Variants in DOCK1 observed in about 807,000 individuals in gnomAD.
DOCK1 encodes dedicator of cytokinesis protein 1.
DOCK1 carries 138 observed loss-of-function variants against 262.7 expected under a neutral mutation model. The observed-to-expected ratio is 0.53, with a 90% CI of 0.46 to 0.61. DOCK1 has a LOEUF of 0.61. DOCK1 is among the 20% of genes least tolerant of loss of function. DOCK1 has a pLI of 0.00. For synonymous variants in DOCK1, 866 were observed against 867.4 expected, an observed-to-expected ratio of 1.00 and a Z score of 0.03; for missense variants, 1,908 against 2,370.7, an observed-to-expected ratio of 0.80 and a Z score of 4.05.
intron 49 of DOCK1, among the ~76,000 whole-genome samples, chr10:127,439,693 C>A (rs1233142034): frequency 2.6e-5 from 4 of 152,164 alleles, no homozygotes; most frequent in Non-Finnish European, 5.9e-5. Context: ...CCCACCGGGC[C>A]CCAGAAGCTG....
chr10:126,921,634 G>A (rs2051692100), intron 1 of DOCK1, among the ~76,000 whole-genome samples: 1 of 117,396 alleles, frequency 8.5e-6, no homozygotes, highest in Non-Finnish European at 1.8e-5. Flanking sequence ...GGACGGGTGA[G>A]AGAGAGAGAG....
intron 27 of DOCK1, among the ~76,000 whole-genome samples, chr10:127,241,062 G>A (rs1455687871): frequency 2.0e-5 from 3 of 152,190 alleles, no homozygotes; most frequent in South Asian, 2.1e-4. Context: ...GGTGGCTCAC[G>A]CCTGTAATCC....
At chr10:127,031,539 T>A in intron 16 of DOCK1, 111 bp from the exon 17 acceptor site, 3 of 773,540 alleles carry the variant, frequency 3.9e-6, no homozygotes, top group Non-Finnish European at 6.1e-6. Context: ...AATACCTGTT[T>A]GTATAATTTT....
rs754961677 is a variant in DOCK1, at chr10:127,031,803, T to C, written c.1728+50T>C. 15 of 1,539,206 alleles carry C rather than the reference T, an allele frequency of 9.7e-6. 1 individual carries two copies. In the South Asian group the frequency reaches 1.5e-4, roughly 16 times the overall value. On this transcript the variant is annotated intron_variant, in intron 17 of 51. Transcript: ENST00000623213. ...TTGCTGCTATAGACAGTTTCAGTCT[T>C]TTCTGGGCTCCCTGACCTGGACCAA...
At chr10:127,126,375 C>T (rs959628248) in intron 26 of DOCK1, among the ~76,000 whole-genome samples, 12 of 152,240 alleles carry the variant, frequency 7.9e-5, no homozygotes, top group Admixed American at 2.0e-4. Flanking sequence ...TGCACCTGGC[C>T]TACCCTATTC....
intron 38 of DOCK1, among the ~76,000 whole-genome samples, chr10:127,400,902 G>A (rs2067185836): frequency 6.6e-6 from 1 of 152,172 alleles, no homozygotes; most frequent in Non-Finnish European, 1.5e-5. Context: ...CAGCTGCCTT[G>A]ATAAAGCTAA....
intron 38 of DOCK1, among the ~76,000 whole-genome samples, chr10:127,386,876 AT>A (rs1263420855): frequency 6.6e-6 from 1 of 152,176 alleles, no homozygotes; most frequent in Non-Finnish European, 1.5e-5. Flanking sequence ...GTTCTCTGGA[AT>A]GAGAAGCTTT....
At chr10:127,118,552 T>C (rs1294620553) in intron 25 of DOCK1, among the ~76,000 whole-genome samples, 1 of 152,242 alleles carries the variant, frequency 6.6e-6, no homozygotes, top group Non-Finnish European at 1.5e-5. Flanking sequence ...AGAAAACATA[T>C]ATTTGACAAA....
intron 23 of DOCK1, among the ~76,000 whole-genome samples, chr10:127,074,800 T>A (rs1157839193): frequency 6.6e-6 from 1 of 152,178 alleles, no homozygotes; most frequent in Non-Finnish European, 1.5e-5. Flanking sequence ...AAGGACATTT[T>A]CATATAATTC....
intron 28 of DOCK1, among the ~76,000 whole-genome samples, chr10:127,255,390 A>G (rs887568879): frequency 1.3e-5 from 2 of 152,178 alleles, no homozygotes; most frequent in African/African-American, 2.4e-5. Flanking sequence ...AGGGAATGAA[A>G]TAAATAAATA....
intron 1 of DOCK1, among the ~76,000 whole-genome samples, chr10:126,951,484 GT>G (rs2036237560): frequency 6.6e-6 from 1 of 151,674 alleles, no homozygotes; most frequent in Non-Finnish European, 1.5e-5. Context: ...TCGTAGTATT[GT>G]TGGTGATAGT....
At chr10:126,931,728 T>G (rs2034203143) in intron 1 of DOCK1, among the ~76,000 whole-genome samples, 1 of 152,158 alleles carries the variant, frequency 6.6e-6, no homozygotes, top group Non-Finnish European at 1.5e-5. Flanking sequence ...AGTCAGGCTC[T>G]GGCGGACGGC....
At chr10:127,205,816 A>G (rs2057693331) in intron 27 of DOCK1, among the ~76,000 whole-genome samples, 1 of 152,208 alleles carries the variant, frequency 6.6e-6, no homozygotes, top group Admixed American at 6.5e-5. Flanking sequence ...GTAAGACACA[A>G]TGGTCTCCCA....
intron 27 of DOCK1, among the ~76,000 whole-genome samples, chr10:127,162,882 C>T (rs2053710022): frequency 1.3e-5 from 2 of 152,318 alleles, no homozygotes; most frequent in African/African-American, 4.8e-5. Context: ...CCCCCAGACA[C>T]TTAAAATCCA....
intron 27 of DOCK1, among the ~76,000 whole-genome samples, chr10:127,156,747 T>G (rs1283283737): frequency 6.6e-6 from 1 of 152,000 alleles, no homozygotes; most frequent in Non-Finnish European, 1.5e-5. Context: ...TTTGTATTTT[T>G]AGTAGAGACG....
At chr10:126,914,899 T>A (rs185783753) in intron 1 of DOCK1, among the ~76,000 whole-genome samples, 42 of 152,316 alleles carry the variant, frequency 2.8e-4, no homozygotes, top group African/African-American at 1.0e-3. Context: ...ACCCTGCCAG[T>A]CTGCCCTCCA....
chr10:126,921,663 G>A (rs928770066), intron 1 of DOCK1, among the ~76,000 whole-genome samples: 6 of 152,002 alleles, frequency 3.9e-5, no homozygotes, highest in African/African-American at 1.4e-4. Flanking sequence ...TTGTTTGTTT[G>A]TTTATTTGAG....
At chr10:127,064,087 T>C (rs774795686) in intron 23 of DOCK1, among the ~76,000 whole-genome samples, 4 of 152,228 alleles carry the variant, frequency 2.6e-5, no homozygotes, top group Non-Finnish European at 4.4e-5. Flanking sequence ...TGGAAGGAAA[T>C]ACCTTGTGAA....
chr10:127,090,446 T>C (rs2047449870), intron 23 of DOCK1, among the ~76,000 whole-genome samples: 1 of 150,128 alleles, frequency 6.7e-6, no homozygotes, highest in South Asian at 2.1e-4. Flanking sequence ...AGTGTCATTT[T>C]CCAGTGGAGA....
Sources: gnomAD v4.1 joint callset for allele counts (sites outside exome capture counted in the v4.1 genomes callset) on GRCh38, gnomAD v4.1.1 for gene constraint, MANE v1.5 for transcripts, NCBI Gene and HGNC (gene_info 2026-07-23, HGNC 2026-07-21) for gene names.